KCTD8: variants seen among roughly 807,000 people sequenced by gnomAD.
The protein encoded by KCTD8 is potassium channel tetramerization domain containing 8, also known as BTB/POZ domain-containing protein KCTD8.
A neutral mutation model predicts 31.5 loss-of-function variants in KCTD8; 27 were observed. The observed-to-expected ratio is 0.86, with a 90% CI of 0.63 to 1.18. KCTD8 has a LOEUF of 1.18. Ranked by LOEUF, KCTD8 falls within the 50% of genes most tolerant of loss-of-function variation. The pLI is 0.00. For synonymous variants in KCTD8, 290 were observed against 280.0 expected (o/e 1.04, Z -0.36); for missense variants, 658 against 647.7 (o/e 1.02, Z -0.17).
intron 1 of KCTD8, among the ~76,000 whole-genome samples, chr4:44,272,982 A>G (rs1416672755): frequency 6.6e-6 from 1 of 152,092 alleles, no homozygotes; most frequent in Non-Finnish European, 1.5e-5. Context: ...CTCTTCATTT[A>G]TGAGTCACAT....
intron 1 of KCTD8, among the ~76,000 whole-genome samples, chr4:44,396,170 C>T (rs372940082): frequency 1.3e-5 from 2 of 151,988 alleles, no homozygotes; most frequent in African/African-American, 2.4e-5. Context: ...CTAGATCCCT[C>T]GCAGGCACAG....
intron 1 of KCTD8, among the ~76,000 whole-genome samples, chr4:44,364,049 C>G (rs545623859): frequency 3.3e-5 from 5 of 151,840 alleles, no homozygotes; most frequent in African/African-American, 1.2e-4. Context: ...TTTTTAGATA[C>G]AACATGAAAA....
chr4:44,259,248 C>T (rs921717894), intron 1 of KCTD8, among the ~76,000 whole-genome samples: 4 of 150,686 alleles, frequency 2.7e-5, no homozygotes, highest in Admixed American at 2.6e-4. Context: ...TGATCTTCCA[C>T]ATGCAAGTCA....
chr4:44,447,727 G>A lies in KCTD8; in HGVS notation c.797C>T (p.Thr266Met). The A allele has an allele frequency of 6.2e-7, 1 of 1,612,682 alleles. No individual in the cohort carries two copies. Among genetic ancestry groups the A allele is most frequent in the Non-Finnish European group, 8.5e-7 (1 of 1,179,518 alleles). The change falls in exon 1 of 2, where the codon ACG becomes ATG. Residue 266 changes from threonine to methionine, a missense_variant. Physicochemically the swap from Thr to Met is moderately conservative, Grantham distance 81 (BLOSUM62 -1). Coordinates refer to ENST00000360029, the MANE Select transcript of KCTD8 (RefSeq NM_198353.3). ...GGTGAACTTGAGGTAGAAGCGGGACGTGTACTTCTCCGGCTGCCGGTCGGG... is the reference window on the plus strand; with the variant it reads ...GGTGAACTTGAGGTAGAAGCGGGACATGTACTTCTCCGGCTGCCGGTCGGG... ...RDPDRQPEKY[T>M]SRFYLKFTYL...
chr4:44,389,288 C>T lies in KCTD8; in HGVS notation c.961+58275G>A, dbSNP rs368778599. 1.6e-4 allele frequency among the ~76,000 whole-genome samples: 24 copies of T among 151,710 alleles called. No homozygotes were observed. In the East Asian group the frequency reaches 4.1e-3, roughly 26 times the overall value. On this transcript the variant is annotated intron_variant, in intron 1 of 1. Coordinates refer to ENST00000360029, the MANE Select transcript of KCTD8 (RefSeq NM_198353.3). Reference sequence around the variant, plus strand: ...AAAATAAACAGTATAATTGAGTTGTCTATAACATAAAGACAGGATAAATGC... The same window carrying T: ...AAAATAAACAGTATAATTGAGTTGTTTATAACATAAAGACAGGATAAATGC...
chr4:44,196,613 G>A (rs551463741), intron 1 of KCTD8, among the ~76,000 whole-genome samples: 8 of 152,272 alleles, frequency 5.3e-5, no homozygotes, highest in Non-Finnish European at 1.0e-4. Flanking sequence ...GAGAACACAC[G>A]AAGAACAGAG....
At chr4:44,186,043 T>C (rs1424944019) in intron 1 of KCTD8, among the ~76,000 whole-genome samples, 1 of 152,058 alleles carries the variant, frequency 6.6e-6, no homozygotes, top group East Asian at 1.9e-4. Context: ...CGTAGCCAAA[T>C]GTGCATTTTC....
chr4:44,191,787 G>A (rs181901152), intron 1 of KCTD8, among the ~76,000 whole-genome samples: 201 of 152,298 alleles, frequency 1.3e-3, no homozygotes, highest in Non-Finnish European at 1.8e-3. Context: ...ACAGCTGAAC[G>A]TAGACCCTCA....
At chr4:44,192,618 T>C (rs1713798750) in intron 1 of KCTD8, among the ~76,000 whole-genome samples, 1 of 152,188 alleles carries the variant, frequency 6.6e-6, no homozygotes, top group Admixed American at 6.5e-5. Context: ...TGTCACTATG[T>C]GTCACCTTTT....
At chr4:44,305,017 G>C (rs985370679) in intron 1 of KCTD8, among the ~76,000 whole-genome samples, 3 of 151,938 alleles carry the variant, frequency 2.0e-5, no homozygotes, top group Admixed American at 6.6e-5. Context: ...AACCTGGTGG[G>C]AGAAGGTTTT....
Position 44,422,541 on chromosome 4 carries a change from C to T in KCTD8, c.961+25022G>A, listed in dbSNP as rs145426378. 7.6e-4 allele frequency among the ~76,000 whole-genome samples: 115 copies of T among 152,024 alleles called. 1 individual carries two copies. In the East Asian group the frequency reaches 0.017, roughly 22 times the overall value. On this transcript the variant is annotated intron_variant, in intron 1 of 1. Transcript: ENST00000360029. ...TAGAGCTAATAATTTTATTAATATA[C>T]GCAAATCGCAAAAAATATAAATTAA...
chr4:44,382,812 A>C (rs1720109828), intron 1 of KCTD8, among the ~76,000 whole-genome samples: 1 of 152,054 alleles, frequency 6.6e-6, no homozygotes, highest in Non-Finnish European at 1.5e-5. Flanking sequence ...ACTTCTAGTC[A>C]GAGCAATTAA....
intron 1 of KCTD8, among the ~76,000 whole-genome samples, chr4:44,367,928 A>T (rs1261177175): frequency 6.6e-6 from 1 of 152,184 alleles, no homozygotes; most frequent in African/African-American, 2.4e-5. Flanking sequence ...TCTTCAAAAA[A>T]TCTTTTGTTT....
At chr4:44,293,940 C>G in intron 1 of KCTD8, 1 of 344,868 alleles carries the variant, frequency 2.9e-6, no homozygotes, top group Non-Finnish European at 5.8e-6. Flanking sequence ...TTTTCTTGAG[C>G]ATTTTATTTT....
chr4:44,306,603 A>G (rs11933903), intron 1 of KCTD8, among the ~76,000 whole-genome samples: 1 of 151,954 alleles, frequency 6.6e-6, no homozygotes, highest in East Asian at 1.9e-4. Context: ...GGACCAAATC[A>G]TAAAGCTATC....
At chr4:44,233,024 TG>T (rs1715170836) in intron 1 of KCTD8, among the ~76,000 whole-genome samples, 1 of 152,062 alleles carries the variant, frequency 6.6e-6, no homozygotes, top group Admixed American at 6.6e-5. Context: ...ATTTGATAAA[TG>T]TAAAATTTCA....
At chr4:44,234,631 ACT>A (rs1715222358) in intron 1 of KCTD8, among the ~76,000 whole-genome samples, 1 of 152,060 alleles carries the variant, frequency 6.6e-6, no homozygotes, top group South Asian at 2.1e-4. Context: ...CTTTGCTTTG[ACT>A]CTCAGCTAGA....
chr4:44,257,766 T>A (rs1716030999), intron 1 of KCTD8, among the ~76,000 whole-genome samples: 1 of 152,002 alleles, frequency 6.6e-6, no homozygotes, highest in South Asian at 2.1e-4. Context: ...AGTTCAACTT[T>A]TAAAAATGAG....
chr4:44,316,260 C>T (rs964154517), intron 1 of KCTD8, among the ~76,000 whole-genome samples: 1 of 151,988 alleles, frequency 6.6e-6, no homozygotes, highest in Non-Finnish European at 1.5e-5. Context: ...TATTTCCACA[C>T]TCATTTATTA....
Sources: gnomAD v4.1 joint callset for allele counts (sites outside exome capture counted in the v4.1 genomes callset) on GRCh38, gnomAD v4.1.1 for gene constraint, MANE v1.5 for transcripts, NCBI Gene and HGNC (gene_info 2026-07-23, HGNC 2026-07-21) for gene names.